Variants in ALPK1 observed in about 807,000 individuals in gnomAD.
The protein encoded by ALPK1 is alpha-protein kinase 1.
A neutral mutation model predicts 120.6 loss-of-function variants in ALPK1; 110 were observed. That is an observed-to-expected ratio of 0.91 (90% CI 0.78 to 1.07). The LOEUF (loss-of-function observed/expected upper bound fraction) is 1.07. Among genes scored for constraint, ALPK1 ranks in the 50% least tolerant of loss-of-function variants. The pLI is 0.00. For missense variants in ALPK1, 1,498 were observed against 1,483.9 expected, an observed-to-expected ratio of 1.01 and a Z score of -0.16; for synonymous variants, 582 against 560.3, an observed-to-expected ratio of 1.04 and a Z score of -0.55.
At chr4:112,357,672 A>C (rs903971806) in intron 2 of ALPK1, 2 of 1,603,088 alleles carry the variant, frequency 1.2e-6, no homozygotes, top group Admixed American at 3.3e-5. Flanking sequence ...TCATCCCCAG[A>C]GGCCCCGACG....
At chr4:112,418,112 T>G (rs1733820688) in intron 5 of ALPK1, among the ~76,000 whole-genome samples, 1 of 152,072 alleles carries the variant, frequency 6.6e-6, no homozygotes, top group East Asian at 1.9e-4. Context: ...TTCCCTGGAC[T>G]CAGATAGAAC....
intron 2 of ALPK1, among the ~76,000 whole-genome samples, chr4:112,325,073 A>G (rs987534198): frequency 1.3e-5 from 2 of 152,086 alleles, no homozygotes; most frequent in African/African-American, 2.4e-5. Flanking sequence ...AAGCTAAGAC[A>G]TTGTAGGCTA....
intron 13 of ALPK1, 109 bp downstream of exon 13, chr4:112,438,755 C>T: frequency 8.0e-7 from 1 of 1,254,002 alleles, no homozygotes; most frequent in South Asian, 1.4e-5. Context: ...AGCAAACTAT[C>T]CTTGTGTGTT....
chr4:112,371,592 C>T (rs1731406432), intron 2 of ALPK1, among the ~76,000 whole-genome samples: 1 of 152,212 alleles, frequency 6.6e-6, no homozygotes, highest in South Asian at 2.1e-4. Context: ...TCTGCCCTAG[C>T]TTTACTCAAG....
intron 4 of ALPK1, among the ~76,000 whole-genome samples, chr4:112,396,912 G>T (rs1478438784): frequency 1.3e-5 from 2 of 152,062 alleles, no homozygotes; most frequent in Non-Finnish European, 2.9e-5. Context: ...CAAGTAACTG[G>T]AACCACATGC....
At position 112,441,187 on chromosome 4, in the gene ALPK1, G is replaced by T; in HGVS notation, c.3728-16G>T. The T allele has an allele frequency of 6.2e-7, 1 of 1,611,144 alleles. No individual in the cohort carries two copies. Among genetic ancestry groups the T allele is most frequent in the Non-Finnish European group, 8.5e-7 (1 of 1,177,294 alleles). Reference sequence around the variant, plus strand: ...TATCTGGTGATGCTCGCAAATATCTGGTTCTCTCCTTCCAGGCACATAGAA... The same window carrying T: ...TATCTGGTGATGCTCGCAAATATCTTGTTCTCTCCTTCCAGGCACATAGAA... On this transcript the variant is annotated splice_polypyrimidine_tract_variant and intron_variant, in intron 15 of 15. Transcript: ENST00000650871.
chr4:112,428,602 T>C (rs1734343971), intron 9 of ALPK1, among the ~76,000 whole-genome samples: 1 of 152,156 alleles, frequency 6.6e-6, no homozygotes, highest in African/African-American at 2.4e-5. Context: ...CCCTAACCCC[T>C]TCTCCATTTA....
At chr4:112,349,386 T>TA (rs1235337494) in intron 2 of ALPK1, among the ~76,000 whole-genome samples, 17 of 152,170 alleles carry the variant, frequency 1.1e-4, no homozygotes, top group Admixed American at 2.6e-4. Context: ...GATAACCTCT[T>TA]AAAAAATAAA....
intron 4 of ALPK1, chr4:112,410,911 A>G (rs1733423332): frequency 6.5e-6 from 1 of 154,840 alleles, no homozygotes; most frequent in Non-Finnish European, 1.5e-5. Context: ...ATTAAAATGT[A>G]GGCAATAAAT....
chr4:112,333,791 G>A (rs1017806019), intron 2 of ALPK1, among the ~76,000 whole-genome samples: 6 of 152,034 alleles, frequency 3.9e-5, no homozygotes, highest in East Asian at 1.9e-4. Flanking sequence ...GCCCATTCTC[G>A]TGTAGGTGTA....
At chr4:112,405,207 C>G (rs1378087125) in intron 4 of ALPK1, among the ~76,000 whole-genome samples, 5 of 152,196 alleles carry the variant, frequency 3.3e-5, no homozygotes, top group Admixed American at 3.3e-4. Flanking sequence ...AGCTCTGTCT[C>G]ATAACTCAGG....
chr4:112,372,932 T>C (rs529161152), intron 2 of ALPK1, among the ~76,000 whole-genome samples: 1 of 152,256 alleles, frequency 6.6e-6, no homozygotes, highest in African/African-American at 2.4e-5. Context: ...TTATATGATA[T>C]TGTGGTTTTA....
chr4:112,318,029 C>T (rs749288621), intron 2 of ALPK1, among the ~76,000 whole-genome samples: 12 of 152,028 alleles, frequency 7.9e-5, no homozygotes, highest in Non-Finnish European at 1.6e-4. Flanking sequence ...GAATTTGATT[C>T]AAGACATTTC....
At chr4:112,357,752 TG>T in intron 2 of ALPK1, 1 of 1,271,120 alleles carries the variant, frequency 7.9e-7, no homozygotes, top group African/African-American at 1.5e-5. Flanking sequence ...GGGAAGGCTC[TG>T]GGCAACATCG....
rs1489224715 is a variant in ALPK1 at position 112,317,795 on chromosome 4, C to G, written c.-101+1943C>G. 3.9e-5 allele frequency among the ~76,000 whole-genome samples: 6 copies of G among 152,112 alleles called. No individual in the cohort carries two copies. The East Asian group carries it at 1.2e-3, about 29-fold the overall frequency. On this transcript the variant is annotated intron_variant, in intron 2 of 15. Transcript: ENST00000650871. ...GATTTTTTGCAGAGTTGCTATTACA[C>G]TGTATGAACAATTTTATATTTTGCT...
intron 2 of ALPK1, among the ~76,000 whole-genome samples, chr4:112,317,630 G>A (rs550947743): frequency 1.2e-4 from 19 of 152,188 alleles, no homozygotes; most frequent in Admixed American, 2.6e-4. Context: ...TTCATTGTAA[G>A]TTTTGAAATC....
At chr4:112,356,849 G>A in intron 2 of ALPK1, 2 of 732,968 alleles carry the variant, frequency 2.7e-6, no homozygotes, top group Non-Finnish European at 5.1e-6. Flanking sequence ...ACACAACATT[G>A]ACCTTAAGGG....
At chr4:112,404,593 A>G (rs1326547453) in intron 4 of ALPK1, among the ~76,000 whole-genome samples, 1 of 152,216 alleles carries the variant, frequency 6.6e-6, no homozygotes, top group African/African-American at 2.4e-5. Context: ...ATCAATTTTT[A>G]TATCTTCCAT....
intron 1 of ALPK1, among the ~76,000 whole-genome samples, chr4:112,310,049 C>T (rs1728324472): frequency 6.6e-6 from 1 of 152,044 alleles, no homozygotes; most frequent in Non-Finnish European, 1.5e-5. Context: ...TCTGAATTCC[C>T]AGTACCTAGC....
Sources: allele counts gnomAD v4.1 joint callset (sites outside exome capture counted in the v4.1 genomes callset), GRCh38; gene constraint gnomAD v4.1.1; transcripts MANE v1.5; gene names NCBI Gene and HGNC (gene_info 2026-07-23, HGNC 2026-07-21).